CLVS1: variants seen among roughly 807,000 people sequenced by gnomAD.
CLVS1 encodes the protein clavesin-1.
In CLVS1, 10 loss-of-function variants were observed where a neutral mutation model predicts 33.1. The ratio of observed to expected loss-of-function variants is 0.30; its 90% CI spans 0.19 to 0.51. The LOEUF is 0.51. Ranked by LOEUF, CLVS1 falls within the 20% of genes least tolerant of loss-of-function variation. The probability of loss-of-function intolerance (pLI) is 0.97; values close to 1 mark genes in which losing one functional copy is unlikely to be tolerated. For missense variants in CLVS1, 343 were observed against 433.4 expected, an observed-to-expected ratio of 0.79 and a Z score of 1.85; for synonymous variants, 163 against 166.1, an observed-to-expected ratio of 0.98 and a Z score of 0.14.
At chr8:61,339,169 G>C (rs566003569) in intron 2 of CLVS1, among the ~76,000 whole-genome samples, 1 of 152,194 alleles carries the variant, frequency 6.6e-6, no homozygotes, top group African/African-American at 2.4e-5. Context: ...TGCTATTGTG[G>C]GGGTCCTCTG....
the CLVS1 span, among the ~76,000 whole-genome samples, chr8:60,993,761 C>T: frequency 6.6e-6 from 1 of 152,206 alleles, no homozygotes; most frequent in Non-Finnish European, 1.5e-5. Flanking sequence ...CTAGAGCTAC[C>T]ATCGGGTGGC....
chr8:61,326,346 G>A (rs992756785), intron 2 of CLVS1, among the ~76,000 whole-genome samples: 2 of 152,150 alleles, frequency 1.3e-5, no homozygotes, highest in African/African-American at 4.8e-5. Context: ...ATTGCATTTA[G>A]GTGTAGAGTC....
At chr8:61,442,455 G>A (rs752226244) in intron 3 of CLVS1, among the ~76,000 whole-genome samples, 7 of 152,150 alleles carry the variant, frequency 4.6e-5, no homozygotes, top group Admixed American at 2.0e-4. Context: ...AAATAAATGC[G>A]CAGGAGTACA....
intron 1 of CLVS1, among the ~76,000 whole-genome samples, chr8:61,068,227 G>GTATATATATATA (rs761732435): frequency 0.011 from 989 of 88,098 alleles, 40 homozygotes; most frequent in African/African-American, 0.037. Context: ...ATGTATGTAT[G>GTATATATATATA]TGTATATATA....
chr8:61,375,540 C>CA lies in CLVS1; in HGVS notation c.456-1065_456-1064insA, dbSNP rs548607960. ...TCCTGGGATTACAGGCTTTAGCCAC[C>CA]GCCTGGCCCTGGCTTACATTTTTAT... On this transcript the variant is annotated intron_variant, in intron 2 of 5. Transcript: ENST00000325897. 1.5e-4 allele frequency among the ~76,000 whole-genome samples: 23 copies of CA among 152,254 alleles called. No individual in the cohort carries two copies. The East Asian group carries it at 4.4e-3, about 29-fold the overall frequency.
chr8:61,318,484 G>T (rs2129596026), intron 2 of CLVS1, among the ~76,000 whole-genome samples: 1 of 152,244 alleles, frequency 6.6e-6, no homozygotes, highest in South Asian at 2.1e-4. Flanking sequence ...ATAGTCATAT[G>T]CTCAGATTTT....
At chr8:61,223,506 C>T (rs1441914863) in intron 2 of CLVS1, among the ~76,000 whole-genome samples, 1 of 152,122 alleles carries the variant, frequency 6.6e-6, no homozygotes, top group Non-Finnish European at 1.5e-5. Context: ...AATATTGGCC[C>T]TCACTCTCTT....
At chr8:61,462,701 T>C (rs1480096410) in intron 5 of CLVS1, among the ~76,000 whole-genome samples, 6 of 152,180 alleles carry the variant, frequency 3.9e-5, no homozygotes, top group Non-Finnish European at 5.9e-5. Context: ...GTCTCGTCAG[T>C]AGACTTAAAA....
chr8:60,968,369 A>C, the CLVS1 span, among the ~76,000 whole-genome samples: 2 of 152,104 alleles, frequency 1.3e-5, no homozygotes, highest in African/African-American at 4.8e-5. Context: ...ACAAAAAATT[A>C]GCTTGGCATG....
At chr8:61,427,683 G>A (rs896858305) in intron 3 of CLVS1, among the ~76,000 whole-genome samples, 3 of 152,212 alleles carry the variant, frequency 2.0e-5, no homozygotes, top group African/African-American at 7.2e-5. Context: ...CTACCAGGAG[G>A]AAACTGGGCT....
intron 3 of CLVS1, among the ~76,000 whole-genome samples, chr8:61,425,832 C>G (rs1332891505): frequency 2.0e-5 from 3 of 152,194 alleles, no homozygotes; most frequent in African/African-American, 7.2e-5. Context: ...ATGTCACATG[C>G]TGTTCTTTCT....
the CLVS1 span, among the ~76,000 whole-genome samples, chr8:61,035,398 A>T: frequency 3.3e-5 from 5 of 152,018 alleles, no homozygotes; most frequent in East Asian, 9.6e-4. Context: ...TGATGAGAAG[A>T]CACCAAAGAG....
intron 2 of CLVS1, among the ~76,000 whole-genome samples, chr8:61,254,137 C>T (rs972167335): frequency 3.3e-5 from 5 of 152,204 alleles, no homozygotes; most frequent in African/African-American, 1.2e-4. Flanking sequence ...TTCCTTCTAA[C>T]AGTCAGGACC....
At chr8:61,375,779 G>A (rs1027972945) in intron 2 of CLVS1, among the ~76,000 whole-genome samples, 11 of 152,186 alleles carry the variant, frequency 7.2e-5, no homozygotes, top group Non-Finnish European at 1.5e-4. Flanking sequence ...GATCCTCTAA[G>A]ATCTTAGATT....
At chr8:61,077,503 TCTCA>T (rs1804942324) in intron 1 of CLVS1, among the ~76,000 whole-genome samples, 1 of 148,610 alleles carries the variant, frequency 6.7e-6, no homozygotes, top group African/African-American at 2.5e-5. Context: ...TGAGACGGAG[TCTCA>T]CTCTGTGGCC....
intron 3 of CLVS1, among the ~76,000 whole-genome samples, chr8:61,443,869 A>T (rs1001554509): frequency 6.6e-6 from 1 of 152,124 alleles, no homozygotes. Context: ...ATCTACAAAC[A>T]TATGTCTTCC....
rs185029478 is a variant in CLVS1, at chr8:61,220,078, C to T, written c.-151-79599C>T. Among the ~76,000 whole-genome samples, 129 of 151,564 alleles carry T rather than the reference C, an allele frequency of 8.5e-4. 1 individual carries two copies. Among genetic ancestry groups the T allele is most frequent in the Admixed American group, 3.2e-3 (48 of 15,212 alleles). ...TTGTCAGATGGGTAAATTGCAAAAT[C>T]TCCCATTGCATTTCTCCCATTCTGT... is the stretch of plus-strand genomic sequence containing the variant. On this transcript the variant is annotated intron_variant, in intron 2 of 2. Transcript: ENST00000522621.
intron 2 of CLVS1, among the ~76,000 whole-genome samples, chr8:61,368,504 C>T (rs1169965743): frequency 6.6e-6 from 1 of 152,144 alleles, no homozygotes; most frequent in Non-Finnish European, 1.5e-5. Flanking sequence ...GTGTTTTGTC[C>T]TCAGTAGCAT....
chr8:61,397,996 C>T (rs1814596447), intron 3 of CLVS1, among the ~76,000 whole-genome samples: 1 of 152,014 alleles, frequency 6.6e-6, no homozygotes, highest in South Asian at 2.1e-4. Context: ...CTTGCATTTT[C>T]ATATGAATTT....
Sources: allele counts gnomAD v4.1 joint callset (sites outside exome capture counted in the v4.1 genomes callset), GRCh38; gene constraint gnomAD v4.1.1; transcripts MANE v1.5; gene names NCBI Gene and HGNC (gene_info 2026-07-23, HGNC 2026-07-21).